The following XXYLT1 variants were observed in gnomAD, a reference collection of about 807,000 sequenced individuals.
XXYLT1 encodes xyloside xylosyltransferase 1, also known as UDP-xylose:alpha-xyloside alpha-1,3-xylosyltransferase.
Under a neutral mutation model 28.9 loss-of-function variants are expected in XXYLT1, and 20 were observed. The observed-to-expected ratio is 0.69, with a 90% CI of 0.49 to 1.00. The LOEUF (loss-of-function observed/expected upper bound fraction) is 1.00. XXYLT1 is among the 50% of genes least tolerant of loss of function. The pLI is 0.00. For missense variants in XXYLT1, 542 were observed against 560.1 expected, an observed-to-expected ratio of 0.97 and a Z score of 0.33; for synonymous variants, 257 against 253.8, an observed-to-expected ratio of 1.01 and a Z score of -0.12.
intron 2 of XXYLT1, among the ~76,000 whole-genome samples, chr3:195,169,851 A>G (rs980471150): frequency 2.1e-4 from 30 of 143,474 alleles, no homozygotes; most frequent in South Asian, 4.3e-4. Flanking sequence ...GTGTGTGTGT[A>G]CATATATATA....
chr3:195,237,743 T>A (rs913506892), intron 1 of XXYLT1, among the ~76,000 whole-genome samples: 2 of 152,170 alleles, frequency 1.3e-5, no homozygotes, highest in Admixed American at 6.5e-5. Flanking sequence ...AAAGCCTTTT[T>A]AAAAATGTCT....
chr3:195,222,444 T>C (rs1336280406), intron 2 of XXYLT1, among the ~76,000 whole-genome samples: 2 of 152,158 alleles, frequency 1.3e-5, no homozygotes, highest in African/African-American at 2.4e-5. Context: ...ATACAGAAGC[T>C]CACCTGTGTG....
chr3:195,108,042 T>A (rs1717249605), intron 3 of XXYLT1, among the ~76,000 whole-genome samples: 1 of 152,130 alleles, frequency 6.6e-6, no homozygotes, highest in African/African-American at 2.4e-5. Context: ...GCTGGAAACC[T>A]CCCTCTAGCT....
At chr3:195,108,666 C>T (rs1031528475) in intron 3 of XXYLT1, among the ~76,000 whole-genome samples, 14 of 152,250 alleles carry the variant, frequency 9.2e-5, no homozygotes, top group African/African-American at 3.4e-4. Context: ...TACAAACCTG[C>T]ATGGCATGTT....
chr3:195,138,009 TCA>T (rs1426882339), intron 3 of XXYLT1, among the ~76,000 whole-genome samples: 1 of 152,206 alleles, frequency 6.6e-6, no homozygotes, highest in Non-Finnish European at 1.5e-5. Context: ...TCTCCCCATT[TCA>T]CAGATGAGGA....
At position 195,110,127 on chromosome 3, in the gene XXYLT1, TGTGTGTGTG is replaced by T. The variant is rs1451603015; in HGVS notation, c.786-40025_786-40017del. Among the ~76,000 whole-genome samples the T allele has an allele frequency of 3.8e-3, 189 of 49,510 alleles. 69 individuals carry two copies. The highest frequency in any genetic ancestry group is 6.1e-3 in the Non-Finnish European group (138 of 22,746). The allele number at this position is 49,510 out of a possible 152,430, so 32.5% of individuals were successfully genotyped here. A position where few individuals can be genotyped will look rare whatever the true frequency, so the allele number is the denominator to read the frequency against. On this transcript the variant is annotated intron_variant, in intron 3 of 3. Transcript: ENST00000310380. ...GGTGTATGTGTGCATGTGTGGTGTG[TGTGTGTGTG>T]GTGTGTGTGGTGTCTGTGTGTTGTG...
rs1726005199 is a variant in XXYLT1 at position 195,270,912 on chromosome 3, G to A, written c.147C>T (p.Ser49=). 2 of 1,482,162 alleles carry A rather than the reference G, an allele frequency of 1.3e-6. No homozygotes were observed. The highest frequency in any genetic ancestry group is 1.8e-6 in the Non-Finnish European group (2 of 1,118,434). 91.8% of individuals were successfully genotyped at this position (1,482,162 alleles called of 1,614,324 possible). The change falls in exon 1 of 4, where the codon TCC becomes TCT. Residue 49 remains serine (S), a synonymous_variant. Coordinates refer to ENST00000310380, the MANE Select transcript of XXYLT1 (RefSeq NM_152531.5). ...CCTCCTTCAGCCTCTTGGTGGCGCT[G>A]GAGAAGGTCTCCCGGCCTGAGCCGA... ...YYLGSGRETF[S]SATKRLKEAR... is the part of the protein sequence containing the mutation.
intron 3 of XXYLT1, chr3:195,095,287 T>G (rs930996040): frequency 6.5e-6 from 1 of 153,762 alleles, no homozygotes; most frequent in African/African-American, 2.4e-5. Context: ...TGCTCCAGTC[T>G]TCTCCCTGTG....
At chr3:195,185,654 G>C (rs919274898) in intron 2 of XXYLT1, among the ~76,000 whole-genome samples, 3 of 152,064 alleles carry the variant, frequency 2.0e-5, no homozygotes, top group African/African-American at 7.3e-5. Flanking sequence ...GTTAGTCACA[G>C]GTGTTGGGCT....
intron 2 of XXYLT1, among the ~76,000 whole-genome samples, chr3:195,171,461 G>A (rs1721401628): frequency 6.6e-6 from 1 of 152,148 alleles, no homozygotes; most frequent in Non-Finnish European, 1.5e-5. Context: ...ATCTGACTTG[G>A]CCTTTCTTGG....
intron 2 of XXYLT1, among the ~76,000 whole-genome samples, chr3:195,196,784 G>A (rs955580721): frequency 6.6e-6 from 1 of 152,086 alleles, no homozygotes; most frequent in Non-Finnish European, 1.5e-5. Context: ...AAATGCCAAA[G>A]TAATAAGGAA....
intron 1 of XXYLT1, among the ~76,000 whole-genome samples, chr3:195,246,363 C>T (rs1276652303): frequency 6.6e-6 from 1 of 152,196 alleles, no homozygotes; most frequent in African/African-American, 2.4e-5. Flanking sequence ...GTGTCTTCCT[C>T]ACCTCCAATG....
intron 3 of XXYLT1, among the ~76,000 whole-genome samples, chr3:195,094,966 G>C (rs1716342075): frequency 6.6e-6 from 1 of 152,206 alleles, no homozygotes; most frequent in Non-Finnish European, 1.5e-5. Flanking sequence ...GCAGGGCAGT[G>C]CTTCCCAGAC....
At chr3:195,097,518 G>A (rs1376250851) in intron 3 of XXYLT1, among the ~76,000 whole-genome samples, 1 of 152,140 alleles carries the variant, frequency 6.6e-6, no homozygotes, top group Non-Finnish European at 1.5e-5. Flanking sequence ...AACTTATGAG[G>A]TTGTTATTAT....
At chr3:195,071,698 G>A (rs946566693) in intron 3 of XXYLT1, among the ~76,000 whole-genome samples, 1 of 152,172 alleles carries the variant, frequency 6.6e-6, no homozygotes, top group African/African-American at 2.4e-5. Context: ...GATGCAGTGT[G>A]GCAGCTGTGT....
chr3:195,076,469 C>T lies in XXYLT1; in HGVS notation c.786-6358G>A, dbSNP rs1715125472. 6.6e-6 allele frequency among the ~76,000 whole-genome samples: 1 copy of T among 152,162 alleles called. No homozygotes were observed. The highest frequency in any genetic ancestry group is 1.5e-5 in the Non-Finnish European group (1 of 68,028). On this transcript the variant is annotated intron_variant, in intron 3 of 3. Coordinates refer to ENST00000310380, the MANE Select transcript of XXYLT1 (RefSeq NM_152531.5). The surrounding 1 kb of genome is among the most constrained non-coding windows in gnomAD (Gnocchi z 5.3). ...ACAGGGCACTGGGGTGGCTACTAGA[C>T]AAGCCAAGCATTCTGGAGAGTTGCC...
At chr3:195,110,885 G>A (rs548057696) in intron 3 of XXYLT1, among the ~76,000 whole-genome samples, 4,543 of 74,434 alleles carry the variant, frequency 0.061, 374 homozygotes, top group African/African-American at 0.18. Flanking sequence ...TGGTGTATGT[G>A]TGCGTGTGTG....
At chr3:195,085,688 C>T (rs1032315949) in intron 3 of XXYLT1, among the ~76,000 whole-genome samples, 31 of 152,224 alleles carry the variant, frequency 2.0e-4, no homozygotes, top group African/African-American at 6.0e-4. Context: ...ACTGATGCGG[C>T]GAGACCACTC....
At chr3:195,121,562 G>T (rs1458815367) in intron 3 of XXYLT1, among the ~76,000 whole-genome samples, 2 of 152,012 alleles carry the variant, frequency 1.3e-5, no homozygotes, top group East Asian at 3.9e-4. Context: ...CTGCCCCTAC[G>T]CCCCACTCTA....
Sources: gnomAD v4.1 joint callset for allele counts (sites outside exome capture counted in the v4.1 genomes callset) on GRCh38, gnomAD v4.1.1 for gene constraint, Gnocchi (gnomAD v3.1) non-coding constraint, MANE v1.5 for transcripts, NCBI Gene and HGNC (gene_info 2026-07-23, HGNC 2026-07-21) for gene names.